The following PWWP3A variants were observed in gnomAD, a reference collection of about 807,000 sequenced individuals.
PWWP3A encodes PWWP domain-containing DNA repair factor 3A.
Under a neutral mutation model 79.0 loss-of-function variants are expected in PWWP3A, and 53 were observed. That is an observed-to-expected ratio of 0.67 (90% CI 0.54 to 0.84). The LOEUF is 0.84. Among genes scored for constraint, PWWP3A ranks in the 40% least tolerant of loss-of-function variants. PWWP3A has a pLI of 0.00. For missense variants in PWWP3A, 973 were observed against 948.0 expected (o/e 1.03, Z -0.35); for synonymous variants, 443 against 394.4 (o/e 1.12, Z -1.46).
At chr19:1,376,315 T>TTTTTTGG in intron 13 of PWWP3A, among the ~76,000 whole-genome samples, 1 of 134,372 alleles carries the variant, frequency 7.4e-6, no homozygotes, top group Non-Finnish European at 1.6e-5. Context: ...TTGTTTGTTT[T>TTTTTTGG]TTTTTTTTTT....
chr19:1,356,912 C>A, intron 2 of PWWP3A, 97 bp from the exon 3 acceptor site: 2 of 874,208 alleles, frequency 2.3e-6, no homozygotes, highest in Admixed American at 2.4e-5. Flanking sequence ...TGGTTATAGG[C>A]CTTCAGGATT....
chr19:1,358,192 A>G, intron 3 of PWWP3A: 1 of 469,570 alleles, frequency 2.1e-6, no homozygotes, highest in Non-Finnish European at 3.8e-6. Context: ...TTAAAAGGAA[A>G]AAAAAAAAAA....
At chr19:1,374,696 T>C (rs879761664) in intron 13 of PWWP3A, among the ~76,000 whole-genome samples, 2 of 152,184 alleles carry the variant, frequency 1.3e-5, no homozygotes, top group Admixed American at 1.3e-4. Flanking sequence ...AATTTTCCTT[T>C]ACAGGGAGGT....
chr19:1,374,959 G>T (rs964178614), intron 13 of PWWP3A, among the ~76,000 whole-genome samples: 1 of 151,660 alleles, frequency 6.6e-6, no homozygotes, highest in African/African-American at 2.4e-5. Flanking sequence ...GGTTGCTCAC[G>T]CCCATAATCC....
chr19:1,359,015 A>G (rs1300100277), intron 4 of PWWP3A: 2 of 302,342 alleles, frequency 6.6e-6, no homozygotes, highest in Non-Finnish European at 1.3e-5. Context: ...TCGGCTTCCC[A>G]TCCATCCGGG....
intron 3 of PWWP3A, 78 bp downstream of exon 3, chr19:1,357,172 A>C: frequency 9.3e-7 from 1 of 1,077,168 alleles, no homozygotes; most frequent in East Asian, 2.4e-5. Context: ...CCCCCAAAAC[A>C]GTTGAAGCCC....
In PWWP3A at chr19:1,360,957, G is replaced by A; in HGVS notation, c.1036G>A (p.Gly346Ser). 2 of 1,479,228 alleles carry A rather than the reference G, an allele frequency of 1.4e-6. No individual in the cohort carries two copies. Among genetic ancestry groups the A allele is most frequent in the Non-Finnish European group, 1.8e-6 (2 of 1,115,174 alleles). 91.6% of individuals were successfully genotyped at this position (1,479,228 alleles called of 1,614,324 possible). A position where few individuals can be genotyped will look rare whatever the true frequency, so the allele number is the denominator to read the frequency against. Residue 346 changes from glycine to serine, a missense_variant, in exon 5 of 14, where the codon GGC (glycine) becomes AGC (serine). By Grantham distance (56) the Gly-to-Ser change is moderately conservative. Coordinates refer to ENST00000591337, the MANE Select transcript of PWWP3A (RefSeq NM_001369789.1). The surrounding 1 kb of genome is among the most constrained non-coding windows in gnomAD (Gnocchi z 4.4). ...GACCCCGCGCAGCACCGCCAGGCTG[G>A]GCCCGCCTCCCTCCCACGCCTCTGC... ...SVTPRSTARLGPPPSHASADA... is the reference protein window; with the variant it reads ...SVTPRSTARLSPPPSHASADA...
At chr19:1,370,316 G>A (rs766817915) in intron 11 of PWWP3A, among the ~76,000 whole-genome samples, 5 of 152,226 alleles carry the variant, frequency 3.3e-5, no homozygotes, top group Non-Finnish European at 7.3e-5. Context: ...ATCGACAGTA[G>A]TGGAGTTTTC....
At chr19:1,361,323 G>C (rs1368769018) in intron 5 of PWWP3A, among the ~76,000 whole-genome samples, 4 of 152,236 alleles carry the variant, frequency 2.6e-5, no homozygotes, top group Non-Finnish European at 5.9e-5. Flanking sequence ...GGCGCGGCTG[G>C]GAGCATTGTG....
rs1309726322 is a variant in PWWP3A at position 1,376,512 on chromosome 19, T to C, written c.2076-7T>C. The C allele has an allele frequency of 2.5e-6, 4 of 1,613,198 alleles. No individual in the cohort carries two copies. In the Admixed American group the frequency reaches 6.7e-5, roughly 27 times the overall value. On this transcript the variant is annotated splice_polypyrimidine_tract_variant and splice_region_variant and intron_variant, in intron 13 of 13. Coordinates refer to ENST00000591337, the MANE Select transcript of PWWP3A (RefSeq NM_001369789.1). ...ATTACTAAAATGAAGACTCTTGTTTTCTGAAGGGAAAAAGAAATATTTGAC... is the reference window on the plus strand; with the variant it reads ...ATTACTAAAATGAAGACTCTTGTTTCCTGAAGGGAAAAAGAAATATTTGAC...
At chr19:1,358,569 ATG>A in intron 4 of PWWP3A, 105 bp downstream of exon 4, 1 of 1,601,890 alleles carries the variant, frequency 6.2e-7, no homozygotes, top group Non-Finnish European at 8.5e-7. Flanking sequence ...CCTGTTCACC[ATG>A]TTTTTCTTCA....
At chr19:1,355,459 C>T (rs2081831548) in intron 1 of PWWP3A, among the ~76,000 whole-genome samples, 2 of 109,954 alleles carry the variant, frequency 1.8e-5, no homozygotes, top group Non-Finnish European at 4.1e-5. Context: ...CTTGCCTGGA[C>T]CCCCATCTGC....
chr19:1,367,234 G>C lies in PWWP3A; in HGVS notation c.1422+14G>C, dbSNP rs1161027332. On this transcript the variant is annotated intron_variant, in intron 9 of 13. Coordinates refer to ENST00000591337, the MANE Select transcript of PWWP3A (RefSeq NM_001369789.1). Reference sequence around the variant, plus strand: ...CAGACGCTTCTGGTAGGTGGATGATGTTTTGTGCTTGCTTTAAATGGTTTA... The same window carrying C: ...CAGACGCTTCTGGTAGGTGGATGATCTTTTGTGCTTGCTTTAAATGGTTTA... 6.8e-6 allele frequency: 11 copies of C among 1,608,892 alleles called. No homozygotes were observed. The highest frequency in any genetic ancestry group is 8.5e-6 in the Non-Finnish European group (10 of 1,176,738).
rs748666733 is a variant in PWWP3A at position 1,356,330 on chromosome 19, T to C, written c.-63T>C. The C allele has an allele frequency of 6.5e-7, 1 of 1,544,228 alleles. No individual in the cohort carries two copies. ...CGTGCAAATTTCGTTCCAGGACACA[T>C]TGGCGTGAGACCTGGGAGTACGTTG... is the stretch of plus-strand genomic sequence containing the variant. On this transcript the variant is annotated 5_prime_UTR_variant, in exon 2 of 14. Coordinates refer to ENST00000591337, the MANE Select transcript of PWWP3A (RefSeq NM_001369789.1).
chr19:1,360,945 A>G lies in PWWP3A; in HGVS notation c.1024A>G (p.Thr342Ala). ...GPRESVTPRS[T>A]ARLGPPPSHA... The stretch of plus-strand genomic sequence containing the variant: ...CAGAGAGTCTGTGACCCCGCGCAGC[A>G]CCGCCAGGCTGGGCCCGCCTCCCTC... Residue 342 changes from threonine to alanine, a missense_variant, in exon 5 of 14, where the codon ACC becomes GCC. Coordinates refer to ENST00000591337, the MANE Select transcript of PWWP3A (RefSeq NM_001369789.1). This position sits in a 1 kb window ranked among gnomAD's most constrained non-coding sequence, Gnocchi z 4.4. 6.7e-7 allele frequency: 1 copy of G among 1,499,320 alleles called. No homozygotes were observed. Among genetic ancestry groups the G allele is most frequent in the East Asian group, 2.5e-5 (1 of 40,128 alleles). The allele number at this position is 1,499,320 out of a possible 1,614,324, so 92.9% of individuals were successfully genotyped here.
At chr19:1,365,366 C>T (rs79251532) in intron 7 of PWWP3A, among the ~76,000 whole-genome samples, 1,857 of 152,328 alleles carry the variant, frequency 0.012, 37 homozygotes, top group African/African-American at 0.042. Context: ...TCCTGGCCTT[C>T]GCCTCTCCTT....
intron 13 of PWWP3A, among the ~76,000 whole-genome samples, chr19:1,375,774 A>T (rs111453197): frequency 7.4e-6 from 1 of 135,096 alleles, no homozygotes; most frequent in African/African-American, 2.8e-5. Context: ...TCATATGTAT[A>T]TGTAGACATA....
intron 5 of PWWP3A, 55 bp from the exon 6 acceptor site, chr19:1,362,195 T>A (rs1600104938): frequency 6.9e-7 from 1 of 1,453,420 alleles, no homozygotes; most frequent in South Asian, 1.2e-5. Flanking sequence ...TTTCTTGGGA[T>A]GAGTCATCAA....
chr19:1,372,755 C>G lies in PWWP3A; in HGVS notation c.1987-317C>G, dbSNP rs541208046. ...CTGGGCGACAGGGCGAGACTCTGTACCAGAAAAAACCGCCACCAAAAAAAA... is the reference window on the plus strand; with the variant it reads ...CTGGGCGACAGGGCGAGACTCTGTAGCAGAAAAAACCGCCACCAAAAAAAA... On this transcript the variant is annotated intron_variant, in intron 12 of 13. Coordinates refer to ENST00000591337, the MANE Select transcript of PWWP3A (RefSeq NM_001369789.1). 2.6e-5 allele frequency: 7 copies of G among 264,900 alleles called. No homozygotes were observed. In the South Asian group the frequency reaches 3.6e-4, roughly 14 times the overall value. The allele number at this position is 264,900 out of a possible 1,614,324, so 16.4% of individuals were successfully genotyped here.
Sources: allele counts gnomAD v4.1 joint callset (sites outside exome capture counted in the v4.1 genomes callset), GRCh38; gene constraint gnomAD v4.1.1; non-coding constraint Gnocchi (gnomAD v3.1); transcripts MANE v1.5; gene names NCBI Gene and HGNC (gene_info 2026-07-23, HGNC 2026-07-21).